USP14: variants seen among roughly 807,000 people sequenced by gnomAD.
USP14 encodes ubiquitin carboxyl-terminal hydrolase 14.
USP14 carries 38 observed loss-of-function variants against 76.5 expected under a neutral mutation model. The ratio of observed to expected loss-of-function variants is 0.50; its 90% CI spans 0.38 to 0.65. The LOEUF (loss-of-function observed/expected upper bound fraction) is 0.65, where lower values mean the gene tolerates loss of function less well. Ranked by LOEUF, USP14 falls within the 30% of genes least tolerant of loss-of-function variation. The pLI, the probability that USP14 is intolerant of heterozygous loss-of-function variation, is 0.00. For missense variants in USP14, 467 were observed against 586.5 expected (o/e 0.80, Z 2.10); for synonymous variants, 192 against 191.7 (o/e 1.00, Z -0.01).
chr18:184,588 T>C lies in USP14; in HGVS notation c.404+4249T>C, dbSNP rs148032911. Among the ~76,000 whole-genome samples, 700 of 152,192 alleles carry C rather than the reference T, an allele frequency of 4.6e-3. 6 individuals are homozygous for C. The highest frequency in any genetic ancestry group is 7.7e-3 in the Non-Finnish European group (523 of 68,002). The stretch of plus-strand genomic sequence containing the variant: ...CGGCAACGTGGCAAAACCCCACCTC[T>C]ACAAAACAGACAAACAAACAAAAAA... On this transcript the variant is annotated intron_variant, in intron 5 of 15. Coordinates refer to ENST00000261601, the MANE Select transcript of USP14 (RefSeq NM_005151.4).
chr18:191,297 G>T (rs1012315640), intron 5 of USP14, among the ~76,000 whole-genome samples: 1 of 152,018 alleles, frequency 6.6e-6, no homozygotes, highest in African/African-American at 2.4e-5. Flanking sequence ...ATCAGTTTCC[G>T]AAAGATGCAA....
At chr18:194,995 C>G (rs186069991) in intron 6 of USP14, among the ~76,000 whole-genome samples, 5 of 151,990 alleles carry the variant, frequency 3.3e-5, no homozygotes, top group Admixed American at 2.6e-4. Flanking sequence ...AGTCTTTATT[C>G]AGATTTTGCC....
At chr18:169,264 G>A (rs924578940) in intron 3 of USP14, among the ~76,000 whole-genome samples, 5 of 149,262 alleles carry the variant, frequency 3.3e-5, no homozygotes, top group African/African-American at 7.4e-5. Context: ...CATGGTGCAC[G>A]CCAAGAGAAT....
intron 3 of USP14, among the ~76,000 whole-genome samples, chr18:171,125 A>C (rs985656629): frequency 2.0e-5 from 3 of 150,088 alleles, no homozygotes; most frequent in African/African-American, 7.3e-5. Context: ...ATAAAAGTGC[A>C]AGGTGAAACA....
At chr18:186,822 T>C (rs1909944585) in intron 5 of USP14, among the ~76,000 whole-genome samples, 1 of 152,156 alleles carries the variant, frequency 6.6e-6, no homozygotes, top group South Asian at 2.1e-4. Flanking sequence ...TGTGTAGCAG[T>C]GTATGTGTTT....
At chr18:178,861 G>T in intron 3 of USP14, 72 bp from the exon 4 acceptor site, 1 of 1,125,120 alleles carries the variant, frequency 8.9e-7, no homozygotes, top group Admixed American at 2.4e-5. Flanking sequence ...TTTTGTTCCT[G>T]GCTTCTTTTG....
At chr18:163,067 C>T (rs905306229) in intron 1 of USP14, 5 of 322,636 alleles carry the variant, frequency 1.5e-5, no homozygotes, top group Non-Finnish European at 2.2e-5. Flanking sequence ...TGAGCCACCA[C>T]GCCCAGCCTG....
At chr18:161,581 A>G (rs1032483237) in intron 1 of USP14, among the ~76,000 whole-genome samples, 2 of 151,772 alleles carry the variant, frequency 1.3e-5, no homozygotes, top group Non-Finnish European at 2.9e-5. Flanking sequence ...CCACCCCCCC[A>G]TTAGGCTGTA....
intron 14 of USP14, 31 bp downstream of exon 14, chr18:210,062 T>C (rs759506408): frequency 2.0e-6 from 3 of 1,526,968 alleles, no homozygotes; most frequent in East Asian, 4.5e-5. Context: ...AATTGAGTTA[T>C]TGTATGTGGG....
intron 10 of USP14, among the ~76,000 whole-genome samples, chr18:200,897 G>A (rs1475027124): frequency 1.3e-5 from 2 of 152,266 alleles, no homozygotes; most frequent in East Asian, 3.9e-4. Context: ...TGACTCCCAG[G>A]TTCAAGAGAT....
intron 7 of USP14, 28 bp from the exon 8 acceptor site, chr18:197,588 A>C (rs1910271961): frequency 3.2e-6 from 5 of 1,566,262 alleles, no homozygotes; most frequent in Non-Finnish European, 4.4e-6. Flanking sequence ...TGCCAGGATT[A>C]CTTACTTTGT....
intron 5 of USP14, among the ~76,000 whole-genome samples, chr18:186,793 G>T (rs1303431951): frequency 6.6e-6 from 1 of 151,858 alleles, no homozygotes; most frequent in Non-Finnish European, 1.5e-5. Context: ...GTTATATTTG[G>T]GTTTTTTCTT....
At chr18:173,178 G>T (rs979277166) in intron 3 of USP14, among the ~76,000 whole-genome samples, 4 of 147,380 alleles carry the variant, frequency 2.7e-5, no homozygotes, top group Non-Finnish European at 4.5e-5. Flanking sequence ...GCACGATCTC[G>T]GCTCACTGCA....
intron 7 of USP14, 55 bp downstream of exon 7, chr18:196,822 A>G (rs1910250399): frequency 2.5e-6 from 4 of 1,592,832 alleles, no homozygotes; most frequent in Non-Finnish European, 3.4e-6. Context: ...GGTTTCCTAC[A>G]TTTACCGTAC....
In USP14 at chr18:180,256, G is replaced by A; in HGVS notation, c.321G>A (p.Leu107=). The change falls in exon 5 of 16, where the codon TTG becomes TTA. Residue 107 remains leucine, a synonymous_variant. Transcript: ENST00000261601. ...ACTAGATGGAGTTACCATGTGGATT[G>A]ACAAACCTTGGTAACACTTGTTACA... ...LASAMELPCG[L]TNLGNTCYMN... is the part of the protein sequence containing the mutation. 6.7e-7 allele frequency: 1 copy of A among 1,492,536 alleles called. No homozygotes were observed. The highest frequency in any genetic ancestry group is 9.0e-7 in the Non-Finnish European group (1 of 1,115,942). 92.5% of individuals were successfully genotyped at this position (1,492,536 alleles called of 1,614,324 possible). A position where few individuals can be genotyped will look rare whatever the true frequency, so the allele number is the denominator to read the frequency against.
At chr18:199,012 T>G (rs186498286) in intron 9 of USP14, among the ~76,000 whole-genome samples, 190 bp from the exon 10 acceptor site, 37 of 152,316 alleles carry the variant, frequency 2.4e-4, no homozygotes, top group African/African-American at 7.5e-4. Context: ...TACTCATTGT[T>G]GTTTCTAGAA....
chr18:179,386 T>G (rs1909718414), intron 4 of USP14, among the ~76,000 whole-genome samples: 1 of 152,088 alleles, frequency 6.6e-6, no homozygotes, highest in South Asian at 2.1e-4. Context: ...ATTACTATTT[T>G]ATGAGAAAAC....
intron 5 of USP14, among the ~76,000 whole-genome samples, chr18:180,571 T>A (rs573639337): frequency 6.6e-6 from 1 of 152,324 alleles, no homozygotes; most frequent in East Asian, 1.9e-4. Context: ...TCACTGGCAG[T>A]CACTCCTTTA....
At chr18:166,482 A>C (rs913798386) in intron 2 of USP14, among the ~76,000 whole-genome samples, 2 of 152,000 alleles carry the variant, frequency 1.3e-5, no homozygotes, top group East Asian at 1.9e-4. Context: ...ACAGGTGTGC[A>C]CCACCATGCT....
Sources: allele counts gnomAD v4.1 joint callset (sites outside exome capture counted in the v4.1 genomes callset), GRCh38; gene constraint gnomAD v4.1.1; transcripts MANE v1.5; gene names NCBI Gene and HGNC (gene_info 2026-07-23, HGNC 2026-07-21).